APBA2: variants seen among roughly 807,000 people sequenced by gnomAD.
APBA2 encodes the protein amyloid-beta A4 precursor protein-binding family A member 2.
In APBA2, 30 loss-of-function variants were observed where a neutral mutation model predicts 75.0. The observed-to-expected ratio is 0.40, with a 90% confidence interval of 0.30 to 0.54. The LOEUF (loss-of-function observed/expected upper bound fraction) is 0.54, where lower values mean the gene tolerates loss of function less well. APBA2 is among the 20% of genes least tolerant of loss of function. The probability of loss-of-function intolerance (pLI) is 0.49; values close to 1 mark genes in which losing one functional copy is unlikely to be tolerated. For missense variants in APBA2, 801 were observed against 1,016.1 expected (o/e 0.79, Z 2.88); for synonymous variants, 444 against 409.6 (o/e 1.08, Z -1.01).
intron 1 of APBA2, among the ~76,000 whole-genome samples, chr15:28,905,819 G>A (rs1275375258): frequency 6.6e-6 from 1 of 152,136 alleles, no homozygotes; most frequent in South Asian, 2.1e-4. Flanking sequence ...GGGGGCTGGC[G>A]TCTAACATGC....
intron 3 of APBA2, among the ~76,000 whole-genome samples, chr15:29,000,858 A>G (rs938233664): frequency 6.6e-6 from 1 of 152,164 alleles, no homozygotes; most frequent in Non-Finnish European, 1.5e-5. Context: ...AGTGTAAGCC[A>G]TCATTCCCTG....
intron 1 of APBA2, among the ~76,000 whole-genome samples, chr15:28,915,547 A>C (rs1194393477): frequency 2.7e-4 from 40 of 150,318 alleles, no homozygotes; most frequent in African/African-American, 9.3e-4. Flanking sequence ...CACCATACAC[A>C]CATCACACCA....
At chr15:29,100,905 A>G (rs980737254) in intron 9 of APBA2, among the ~76,000 whole-genome samples, 4 of 152,202 alleles carry the variant, frequency 2.6e-5, no homozygotes, top group Non-Finnish European at 5.9e-5. Context: ...TGCACAGTCC[A>G]TTTTGGAAGC....
rs143906393 is a variant in APBA2 at position 29,054,562 on chromosome 15, T to A, written c.678T>A (p.Ile226=). The A allele has an allele frequency of 6.2e-7, 1 of 1,613,828 alleles. No homozygotes were observed. The highest frequency in any genetic ancestry group is 1.3e-5 in the African/African-American group (1 of 75,056). The change falls in exon 4 of 15, where the codon ATT becomes ATA. Residue 226 remains isoleucine (I), a synonymous_variant. Coordinates refer to ENST00000683413, the MANE Select transcript of APBA2 (RefSeq NM_001353788.2). The surrounding 1 kb of genome is among the most constrained non-coding windows in gnomAD (Gnocchi z 6.1). Reference sequence around the variant, plus strand: ...ACCTGGAGGACCAGGAGGAGGACATTGACCAGATCGTGGCAGAGATCAAGA... The same window carrying A: ...ACCTGGAGGACCAGGAGGAGGACATAGACCAGATCGTGGCAGAGATCAAGA... The part of the protein sequence containing the change: ...DGDLEDQEED[I]DQIVAEIKMS...
chr15:29,116,697 C>T (rs1387905452), intron 14 of APBA2, among the ~76,000 whole-genome samples: 2 of 152,054 alleles, frequency 1.3e-5, no homozygotes, highest in East Asian at 3.9e-4. Context: ...AAGCAGAGTG[C>T]ATCCCTCGCA....
At chr15:28,941,152 A>T (rs139320851) in intron 2 of APBA2, among the ~76,000 whole-genome samples, 2 of 152,212 alleles carry the variant, frequency 1.3e-5, no homozygotes, top group African/African-American at 4.8e-5. Context: ...TGCTTTTCTT[A>T]TGCAGGCCGC....
At chr15:28,936,049 T>G (rs778901360) in intron 2 of APBA2, among the ~76,000 whole-genome samples, 1 of 152,232 alleles carries the variant, frequency 6.6e-6, no homozygotes, top group Non-Finnish European at 1.5e-5. Flanking sequence ...TTTTTGGCCC[T>G]CTGGAAAATT....
At chr15:29,104,212 G>T (rs1263081658) in intron 10 of APBA2, among the ~76,000 whole-genome samples, 1 of 152,230 alleles carries the variant, frequency 6.6e-6, no homozygotes, top group African/African-American at 2.4e-5. Flanking sequence ...TGTTGAGTAG[G>T]AGTTTGCTGG....
chr15:29,088,996 T>A (rs1394809555), intron 6 of APBA2, among the ~76,000 whole-genome samples: 1 of 152,166 alleles, frequency 6.6e-6, no homozygotes, highest in Non-Finnish European at 1.5e-5. Flanking sequence ...CTTCTCCTCC[T>A]CCAGACCTCA....
intron 9 of APBA2, among the ~76,000 whole-genome samples, chr15:29,100,384 T>C (rs1166623633): frequency 6.6e-6 from 1 of 152,242 alleles, no homozygotes; most frequent in Non-Finnish European, 1.5e-5. Flanking sequence ...GCAAAGTGGA[T>C]TCTGTGAGGA....
chr15:29,051,222 C>G (rs2041579321), intron 3 of APBA2, among the ~76,000 whole-genome samples: 1 of 152,168 alleles, frequency 6.6e-6, no homozygotes, highest in African/African-American at 2.4e-5. Flanking sequence ...TCTGACACAT[C>G]TGGGTTGCAG....
intron 2 of APBA2, among the ~76,000 whole-genome samples, chr15:28,929,101 C>T (rs539945788): frequency 1.3e-5 from 2 of 152,254 alleles, no homozygotes; most frequent in East Asian, 1.9e-4. Flanking sequence ...AAGTTCTTTA[C>T]GTGTTGGAGC....
intron 2 of APBA2, among the ~76,000 whole-genome samples, chr15:28,926,757 T>G (rs1595473649): frequency 6.6e-6 from 1 of 152,112 alleles, no homozygotes; most frequent in South Asian, 2.1e-4. Flanking sequence ...AAACTATTTC[T>G]CCTTCATTTT....
At chr15:28,911,332 C>T (rs933872300) in intron 1 of APBA2, among the ~76,000 whole-genome samples, 53 of 152,246 alleles carry the variant, frequency 3.5e-4, no homozygotes, top group African/African-American at 1.1e-3. Context: ...GAAGAAAACT[C>T]GGCTACCAAC....
At chr15:29,025,699 C>G (rs142375748) in intron 3 of APBA2, among the ~76,000 whole-genome samples, 3,806 of 152,102 alleles carry the variant, frequency 0.025, 71 homozygotes, top group South Asian at 0.036. Flanking sequence ...CGCCTATAAT[C>G]CCAGCAATTT....
intron 3 of APBA2, among the ~76,000 whole-genome samples, chr15:29,047,904 C>A (rs1832559875): frequency 6.6e-6 from 1 of 151,968 alleles, no homozygotes; most frequent in African/African-American, 2.4e-5. Context: ...GCAACAGCCA[C>A]AGAAATATTA....
chr15:28,976,306 C>T (rs754740303), intron 2 of APBA2, among the ~76,000 whole-genome samples: 25 of 152,192 alleles, frequency 1.6e-4, no homozygotes, highest in Non-Finnish European at 1.9e-4. Flanking sequence ...TCATCCATTG[C>T]AATCTTCATC....
intron 14 of APBA2, among the ~76,000 whole-genome samples, chr15:29,114,289 A>C (rs879732757): frequency 1.3e-5 from 2 of 152,208 alleles, no homozygotes; most frequent in African/African-American, 2.4e-5. Context: ...TCCAGTTCAG[A>C]AGCTCTGCAG....
chr15:29,103,648 G>A (rs1164458285), intron 10 of APBA2, among the ~76,000 whole-genome samples: 1 of 152,200 alleles, frequency 6.6e-6, no homozygotes, highest in Non-Finnish European at 1.5e-5. Context: ...CGCGGGGGCG[G>A]AGGATGTCGT....
Sources: gnomAD v4.1 joint callset for allele counts (sites outside exome capture counted in the v4.1 genomes callset) on GRCh38, gnomAD v4.1.1 for gene constraint, Gnocchi (gnomAD v3.1) non-coding constraint, MANE v1.5 for transcripts, NCBI Gene and HGNC (gene_info 2026-07-23, HGNC 2026-07-21) for gene names.